The following ITGA7 variants were observed in gnomAD, a reference collection of about 807,000 sequenced individuals.
The protein encoded by ITGA7 is integrin alpha-7.
Under a neutral mutation model 131.6 loss-of-function variants are expected in ITGA7, and 84 were observed. That is an observed-to-expected ratio of 0.64 (90% confidence interval 0.54 to 0.77). The LOEUF (loss-of-function observed/expected upper bound fraction) is 0.77. ITGA7 is among the 30% of genes least tolerant of loss of function. The probability of loss-of-function intolerance (pLI) is 0.00; values close to 1 mark genes in which losing one functional copy is unlikely to be tolerated. For missense variants in ITGA7, 1,399 were observed against 1,482.9 expected, an observed-to-expected ratio of 0.94 and a Z score of 0.93; for synonymous variants, 548 against 600.7, an observed-to-expected ratio of 0.91 and a Z score of 1.28.
chr12:55,713,555 G>C (rs968569584), upstream of ITGA7, among the ~76,000 whole-genome samples: 3 of 152,078 alleles, frequency 2.0e-5, no homozygotes, highest in African/African-American at 7.2e-5. Context: ...CTGCAAATTT[G>C]GGATACTCGT....
intron 3 of ITGA7, 84 bp from the exon 4 acceptor site, chr12:55,701,238 C>T (rs1026552836): frequency 6.2e-7 from 1 of 1,604,362 alleles, no homozygotes; most frequent in African/African-American, 1.3e-5. Context: ...AGAGATTTGG[C>T]AGATACTGAT....
In ITGA7 at chr12:55,694,259, G is replaced by A. The variant is rs747259520; in HGVS notation, c.2429C>T (p.Ala810Val). Residue 810 changes from alanine to valine, a missense_variant, in exon 18 of 25, where the codon GCA becomes GTA. Ala to Val is a moderately conservative substitution (Grantham distance 64, BLOSUM62 0). Transcript: ENST00000257879. The surrounding 1 kb of genome is among the most constrained non-coding windows in gnomAD (Gnocchi z 5.3). ...RVFIELPLSI[A>V]GMAIPQQLFF... Reference sequence around the variant, plus strand: ...TGCCCCCTTGGGCCAGGCTCACCCTGCAATGGACAGTGGCAGCTCAATGAA... The same window carrying A: ...TGCCCCCTTGGGCCAGGCTCACCCTACAATGGACAGTGGCAGCTCAATGAA... 1 of 1,614,072 alleles carries A rather than the reference G, an allele frequency of 6.2e-7. No individual in the cohort carries two copies. The highest frequency in any genetic ancestry group is 1.7e-5 in the Admixed American group (1 of 60,032).
At position 55,696,314 on chromosome 12, in the gene ITGA7, T is replaced by C. The variant is rs762636996; in HGVS notation, c.1856A>G (p.Asn619Ser). 17 of 1,581,542 alleles carry C rather than the reference T, an allele frequency of 1.1e-5. No individual in the cohort carries two copies. The highest frequency in any genetic ancestry group is 5.2e-6 in the Non-Finnish European group (6 of 1,162,916). Residue 619 changes from asparagine (N) to serine (S), a missense_variant, in exon 13 of 25, where the codon AAT becomes AGT. Physicochemically the swap from Asn to Ser is conservative, Grantham distance 46. Coordinates refer to ENST00000257879, the MANE Select transcript of ITGA7 (RefSeq NM_002206.3). Reference sequence around the variant, plus strand: ...CCGCTGGGTGCTGGGCTGGTGGGCATTGAGGATGGGGGCCACTGGAGGCAG... The same window carrying C: ...CCGCTGGGTGCTGGGCTGGTGGGCACTGAGGATGGGGGCCACTGGAGGCAG... Reference protein sequence around the residue: ...QGLPPVAPILNAHQPSTQRAE... With the variant: ...QGLPPVAPILSAHQPSTQRAE...
upstream of ITGA7, chr12:55,716,291 A>G (rs1466259303): frequency 2.0e-6 from 3 of 1,517,644 alleles, no homozygotes; most frequent in East Asian, 7.6e-5. Flanking sequence ...ATCCAGGGAA[A>G]GACGCCAGCT....
chr12:55,685,372 C>A (rs1395742864), intron 24 of ITGA7, 84 bp from the exon 25 acceptor site: 4 of 1,179,528 alleles, frequency 3.4e-6, no homozygotes, highest in Non-Finnish European at 5.0e-6. Context: ...CAGCTCCTCA[C>A]CCTCACCATC....
At position 55,700,914 on chromosome 12, in the gene ITGA7, T is replaced by C; in HGVS notation, c.655A>G (p.Thr219Ala). Residue 219 changes from threonine to alanine, a missense_variant, in exon 4 of 25, where the codon ACC (threonine) becomes GCC (alanine). Transcript: ENST00000257879. ...AGTGACTCACCCTTCCAATTATAGG[T>C]TCCTGGGGCCCCAAAGAGGAGGTAG... ...SHYLLFGAPG[T>A]YNWKGLLFVT... 6.2e-7 allele frequency: 1 copy of C among 1,614,164 alleles called. No individual in the cohort carries two copies. Among genetic ancestry groups the C allele is most frequent in the Non-Finnish European group, 8.5e-7 (1 of 1,180,012 alleles).
chr12:55,686,888 C>A (rs1870275422), intron 24 of ITGA7, among the ~76,000 whole-genome samples: 1 of 152,156 alleles, frequency 6.6e-6, no homozygotes, highest in African/African-American at 2.4e-5. Context: ...GTTTTCACTG[C>A]CACATTCTAG....
intron 4 of ITGA7, chr12:55,700,231 G>C: frequency 6.3e-7 from 1 of 1,587,822 alleles, no homozygotes; most frequent in Non-Finnish European, 8.5e-7. Flanking sequence ...CAGAGGGTTA[G>C]AGCAGTTCTG....
intron 3 of ITGA7, chr12:55,701,501 C>T (rs1003443065): frequency 3.2e-5 from 44 of 1,378,224 alleles, no homozygotes; most frequent in Admixed American, 9.9e-5. Flanking sequence ...AAATGCCAAG[C>T]TTGGCCCTGT....
In ITGA7 at chr12:55,703,177, G is replaced by C; in HGVS notation, c.208C>G (p.Leu70Val). 6.2e-7 allele frequency: 1 copy of C among 1,609,446 alleles called. No homozygotes were observed. The highest frequency in any genetic ancestry group is 8.5e-7 in the Non-Finnish European group (1 of 1,179,958). The change falls in exon 2 of 25, where the codon CTG becomes GTG. Residue 70 changes from leucine to valine, a missense_variant and splice_region_variant. By Grantham distance (32) the Leu-to-Val change is conservative. Coordinates refer to ENST00000257879, the MANE Select transcript of ITGA7 (RefSeq NM_002206.3). ...RQLQPRPQSWLLVGAPQALAL... is the reference protein window; with the variant it reads ...RQLQPRPQSWVLVGAPQALAL... ...AGGGCCTGGGGAGCACCCACCAGCA[G>C]CCTGCAAGATGGGGCAGGGGCAGGG...
In ITGA7 at chr12:55,694,198, T is replaced by G; in HGVS notation, c.2432+58A>C. On this transcript the variant is annotated intron_variant, in intron 18 of 24. Transcript: ENST00000257879. This position sits in a 1 kb window ranked among gnomAD's most constrained non-coding sequence, Gnocchi z 5.3. ...AATGAAGGCAGGGCCCTGGCCAAGG[T>G]TTGGAAATGTCAATGCCCCCTCCCT... The G allele has an allele frequency of 6.2e-7, 1 of 1,612,326 alleles. No homozygotes were observed. Among genetic ancestry groups the G allele is most frequent in the Admixed American group, 1.7e-5 (1 of 60,006 alleles).
chr12:55,698,862 C>G lies in ITGA7; in HGVS notation c.846G>C (p.Val282=). The change falls in exon 6 of 25, where the codon GTG becomes GTC. Residue 282 remains valine, a synonymous_variant. Transcript: ENST00000257879. ...TGTGGTTGGCGCGGGGGGCTCCAGC[C>G]ACAAAGCTCAGCTCTTCTGCACGCA... The part of the protein sequence containing the change: ...GLVRAEELSF[V]AGAPRANHKG... 1 of 1,613,976 alleles carries G rather than the reference C, an allele frequency of 6.2e-7. No individual in the cohort carries two copies. Among genetic ancestry groups the G allele is most frequent in the Non-Finnish European group, 8.5e-7 (1 of 1,179,972 alleles).
intron 24 of ITGA7, 119 bp downstream of exon 24, chr12:55,687,852 G>A: frequency 7.5e-7 from 1 of 1,324,636 alleles, no homozygotes; most frequent in Non-Finnish European, 1.1e-6. Context: ...TGCAGGGCAA[G>A]TGTTCAGTGC....
At chr12:55,699,650 C>A (rs927068803) in intron 5 of ITGA7, 2 of 595,672 alleles carry the variant, frequency 3.4e-6, no homozygotes, top group Admixed American at 2.9e-5. Context: ...TCCATGGAGA[C>A]CCCTGGCTCA....
Position 55,699,994 on chromosome 12 carries a change from G to C in ITGA7, c.671-5C>G, listed in dbSNP as rs180841797. On this transcript the variant is annotated splice_region_variant and splice_polypyrimidine_tract_variant and intron_variant, in intron 4 of 24. Coordinates refer to ENST00000257879, the MANE Select transcript of ITGA7 (RefSeq NM_002206.3). Reference sequence around the variant, plus strand: ...TGTTGGTCACAAAAAGCAACCCTGTGGGGGGTGGGGTGAGACACCAGGGAG... The same window carrying C: ...TGTTGGTCACAAAAAGCAACCCTGTCGGGGGTGGGGTGAGACACCAGGGAG... 1.4e-5 allele frequency: 23 copies of C among 1,613,902 alleles called. No individual in the cohort carries two copies. The South Asian group carries it at 1.8e-4, about 12-fold the overall frequency.
At chr12:55,714,238 C>G (rs1003791328), upstream of ITGA7, among the ~76,000 whole-genome samples, 1 of 151,952 alleles carries the variant, frequency 6.6e-6, no homozygotes, top group African/African-American at 2.4e-5. Flanking sequence ...TTAGGCCGGG[C>G]GCGGTGGCTC....
chr12:55,693,249 C>T lies in ITGA7; in HGVS notation c.2604G>A (p.Glu868=), dbSNP rs1447884595. 2 of 1,613,966 alleles carry T rather than the reference C, an allele frequency of 1.2e-6. No individual in the cohort carries two copies. Among genetic ancestry groups the T allele is most frequent in the Admixed American group, 3.3e-5 (2 of 59,994 alleles). Residue 868 remains glutamate, a synonymous_variant, in exon 20 of 25, where the codon GAG becomes GAA. Coordinates refer to ENST00000257879, the MANE Select transcript of ITGA7 (RefSeq NM_002206.3). ...ACAGCAACCACTTCCCATTGGCAAT[C>T]TCATGAGGCCACATGATGTTGAGGA... ...SAFLNIMWPH[E]IANGKWLLYP...
chr12:55,696,247 C>G (rs758845752), intron 13 of ITGA7, 36 bp downstream of exon 13: 1 of 1,547,878 alleles, frequency 6.5e-7, no homozygotes, highest in Non-Finnish European at 8.7e-7. Context: ...GCCCTCCCAG[C>G]TCCTCCCCCT....
chr12:55,698,094 T>C, intron 7 of ITGA7, 68 bp from the exon 8 acceptor site: 6 of 1,368,478 alleles, frequency 4.4e-6, no homozygotes, highest in Non-Finnish European at 5.2e-6. Flanking sequence ...AGGCCTCAAC[T>C]CCCCCCAGTC....
Sources: allele counts gnomAD v4.1 joint callset (sites outside exome capture counted in the v4.1 genomes callset), GRCh38; gene constraint gnomAD v4.1.1; non-coding constraint Gnocchi (gnomAD v3.1); transcripts MANE v1.5; gene names NCBI Gene and HGNC (gene_info 2026-07-23, HGNC 2026-07-21).